The following DOCK10 variants were observed in gnomAD, a reference collection of about 807,000 sequenced individuals.
DOCK10 encodes the protein dedicator of cytokinesis 10.
A neutral mutation model predicts 280.1 loss-of-function variants in DOCK10; 145 were observed. The observed-to-expected ratio is 0.52, with a 90% CI of 0.45 to 0.59. DOCK10 has a LOEUF of 0.59. Among genes scored for constraint, DOCK10 ranks in the 20% least tolerant of loss-of-function variants. DOCK10 has a pLI of 0.00. For missense variants in DOCK10, 2,368 were observed against 2,651.7 expected (o/e 0.89, Z 2.35); for synonymous variants, 915 against 942.2 (o/e 0.97, Z 0.53).
intron 1 of DOCK10, among the ~76,000 whole-genome samples, chr2:225,005,565 A>T (rs1559950004): frequency 6.6e-6 from 1 of 152,206 alleles, no homozygotes; most frequent in Non-Finnish European, 1.5e-5. Context: ...CTAAAACTGT[A>T]TTCTTTGACG....
At chr2:225,035,562 ATATATATATATATATATATATAT>A (rs1690218546) in intron 1 of DOCK10, among the ~76,000 whole-genome samples, 1 of 53,518 alleles carries the variant, frequency 1.9e-5, no homozygotes, top group African/African-American at 4.9e-5. Context: ...ATATATATAT[ATATATATATATATATATATATAT>A]ATAACACTGA....
intron 2 of DOCK10, among the ~76,000 whole-genome samples, chr2:224,919,406 A>C: frequency 6.8e-6 from 1 of 147,016 alleles, no homozygotes; most frequent in Non-Finnish European, 1.5e-5. Flanking sequence ...TGGTATATGA[A>C]TGTGTGTAGA....
intron 7 of DOCK10, among the ~76,000 whole-genome samples, chr2:224,883,993 T>C (rs1193870537): frequency 6.6e-6 from 1 of 152,244 alleles, no homozygotes; most frequent in Non-Finnish European, 1.5e-5. Flanking sequence ...AATGCAGTTA[T>C]TGATCTTTAC....
intron 1 of DOCK10, among the ~76,000 whole-genome samples, chr2:225,029,891 C>G (rs1486679090): frequency 5.3e-5 from 8 of 152,002 alleles, no homozygotes; most frequent in Non-Finnish European, 1.2e-4. Flanking sequence ...CACCTGTAAT[C>G]CCAGCACTTT....
chr2:224,830,183 C>T (rs1417049433), intron 27 of DOCK10, among the ~76,000 whole-genome samples: 1 of 152,182 alleles, frequency 6.6e-6, no homozygotes, highest in Non-Finnish European at 1.5e-5. Flanking sequence ...CTCAGACTTC[C>T]CATCAGCCCA....
intron 1 of DOCK10, among the ~76,000 whole-genome samples, chr2:225,017,477 C>T (rs1575167602): frequency 6.9e-6 from 1 of 145,710 alleles, no homozygotes. Context: ...TGAAAGAGAC[C>T]AAGAGAGACT....
chr2:224,932,705 C>T (rs554618093), intron 1 of DOCK10, among the ~76,000 whole-genome samples: 4 of 152,070 alleles, frequency 2.6e-5, no homozygotes, highest in Admixed American at 1.3e-4. Flanking sequence ...CAGATACTTC[C>T]CCACCAAACT....
intron 39 of DOCK10, among the ~76,000 whole-genome samples, chr2:224,803,375 C>T (rs1403313148): frequency 3.3e-5 from 5 of 151,778 alleles, no homozygotes; most frequent in Admixed American, 1.3e-4. Flanking sequence ...TCGCTATGTA[C>T]GACTCTTATA....
At chr2:224,931,423 TGCTGCAGAGACTGAGATGTAG>T in intron 2 of DOCK10, 105 bp downstream of exon 2, 1 of 1,095,360 alleles carries the variant, frequency 9.1e-7, no homozygotes, top group Non-Finnish European at 1.3e-6. Context: ...TGTGAACTCC[TGCTGCAGAGACTGAGATGTAG>T]GGTGGCCACA....
intron 1 of DOCK10, among the ~76,000 whole-genome samples, chr2:225,019,055 TC>T (rs1689712673): frequency 7.6e-6 from 1 of 131,730 alleles, no homozygotes; most frequent in Non-Finnish European, 1.7e-5. Context: ...CTAGCAACAA[TC>T]TTTTTGAATG....
At chr2:224,853,147 T>C (rs377366070) in intron 16 of DOCK10, 25 bp from the exon 17 acceptor site, 4 of 1,530,722 alleles carry the variant, frequency 2.6e-6, no homozygotes, top group Non-Finnish European at 3.5e-6. Flanking sequence ...AAATAAGAGT[T>C]TGTCATTTAA....
intron 7 of DOCK10, among the ~76,000 whole-genome samples, chr2:224,879,229 G>A (rs1014802535): frequency 2.6e-5 from 4 of 152,152 alleles, no homozygotes; most frequent in Non-Finnish European, 4.4e-5. Flanking sequence ...GCTTCCTTCC[G>A]AAGGCAAATT....
In DOCK10 at chr2:224,873,594, C is replaced by CAAAAAAAA. The variant is rs35401247; in HGVS notation, c.1257+394_1257+401dup. Among the ~76,000 whole-genome samples, 11 of 33,656 alleles carry CAAAAAAAA rather than the reference C, an allele frequency of 3.3e-4. 1 individual carries two copies. Among genetic ancestry groups the CAAAAAAAA allele is most frequent in the African/African-American group, 6.3e-4 (6 of 9,488 alleles). 22.1% of individuals were successfully genotyped at this position (33,656 alleles called of 152,430 possible). On this transcript the variant is annotated intron_variant, in intron 11 of 55. Coordinates refer to ENST00000258390, the MANE Select transcript of DOCK10 (RefSeq NM_014689.3). ...CCTGGGCAACAGAGCAAGACCATCT[C>CAAAAAAAA]AAAAAAAAAAAAAAAAAAAAAAAAA...
chr2:224,943,416 C>T (rs1332458831), intron 1 of DOCK10, among the ~76,000 whole-genome samples: 2 of 152,066 alleles, frequency 1.3e-5, no homozygotes, highest in African/African-American at 4.8e-5. Context: ...TTGCATAATT[C>T]TTAGGAAGTC....
chr2:224,951,483 G>T (rs1482664810), intron 1 of DOCK10, among the ~76,000 whole-genome samples: 1 of 152,204 alleles, frequency 6.6e-6, no homozygotes, highest in Non-Finnish European at 1.5e-5. Flanking sequence ...CAGTAGAGAA[G>T]AGGCTAGATG....
At chr2:224,972,630 T>C (rs1194743424) in intron 1 of DOCK10, among the ~76,000 whole-genome samples, 1 of 152,246 alleles carries the variant, frequency 6.6e-6, no homozygotes, top group Non-Finnish European at 1.5e-5. Context: ...AGTTCAGTTG[T>C]ACCTACTGAA....
At chr2:224,966,336 T>C (rs990696184) in intron 1 of DOCK10, among the ~76,000 whole-genome samples, 4 of 129,558 alleles carry the variant, frequency 3.1e-5, no homozygotes, top group Non-Finnish European at 4.7e-5. Context: ...ATCCTCCCTA[T>C]AGAGAGATAA....
At chr2:225,010,030 G>T (rs1451511852) in intron 1 of DOCK10, among the ~76,000 whole-genome samples, 1 of 152,138 alleles carries the variant, frequency 6.6e-6, no homozygotes, top group Non-Finnish European at 1.5e-5. Context: ...AGGTTGTCTG[G>T]GCAGTTCTTC....
intron 16 of DOCK10, among the ~76,000 whole-genome samples, chr2:224,854,139 A>T (rs1267130024): frequency 1.3e-5 from 2 of 152,118 alleles, no homozygotes; most frequent in Non-Finnish European, 2.9e-5. Flanking sequence ...AGGATGGAAA[A>T]CTTAATACTG....
Sources: allele counts gnomAD v4.1 joint callset (sites outside exome capture counted in the v4.1 genomes callset), GRCh38; gene constraint gnomAD v4.1.1; transcripts MANE v1.5; gene names NCBI Gene and HGNC (gene_info 2026-07-23, HGNC 2026-07-21).